SMIM41: variants seen among roughly 807,000 people sequenced by gnomAD.
SMIM41 encodes small integral membrane protein 41.
chr12:52,102,699 A>G (rs1337188068), intron 2 of SMIM41, among the ~76,000 whole-genome samples: 1 of 152,242 alleles, frequency 6.6e-6, no homozygotes, highest in Non-Finnish European at 1.5e-5. Flanking sequence ...TAGGATGGAT[A>G]TGATAAACAA....
intron 2 of SMIM41, among the ~76,000 whole-genome samples, chr12:52,091,092 G>A (rs1214504778): frequency 2.0e-5 from 3 of 152,142 alleles, no homozygotes; most frequent in Non-Finnish European, 4.4e-5. Context: ...GCTCATTCTA[G>A]TCTCAAACTC....
chr12:52,099,936 C>T (rs1370201015), intron 2 of SMIM41, among the ~76,000 whole-genome samples: 2 of 151,674 alleles, frequency 1.3e-5, no homozygotes, highest in African/African-American at 4.8e-5. Flanking sequence ...ATCCTCTCCA[C>T]CCAGGAAATT....
chr12:52,100,407 C>T (rs1940194428), intron 2 of SMIM41, among the ~76,000 whole-genome samples: 1 of 151,488 alleles, frequency 6.6e-6, no homozygotes, highest in Admixed American at 6.6e-5. Flanking sequence ...TATTAGAAAA[C>T]AATATCATCG....
chr12:52,102,436 A>G, intron 2 of SMIM41, among the ~76,000 whole-genome samples: 1 of 152,256 alleles, frequency 6.6e-6, no homozygotes, highest in East Asian at 1.9e-4. Flanking sequence ...GAACTGAGTG[A>G]AAAGATAACC....
At position 52,081,262 on chromosome 12, in the gene SMIM41, C is replaced by G. The variant is rs1323364842; in HGVS notation, c.*120+1081C>G. On this transcript the variant is annotated intron_variant, in intron 1 of 2. Coordinates refer to ENST00000546390, the MANE Select transcript of SMIM41 (RefSeq NM_001369216.1). The surrounding 1 kb of genome is among the most constrained non-coding windows in gnomAD (Gnocchi z 4.1). Reference sequence around the variant, plus strand: ...GGGTGACTTTGGCCTCTCTTGCCCCCCCTCCCCCGATTCTGGAGCCCCTCC... The same window carrying G: ...GGGTGACTTTGGCCTCTCTTGCCCCGCCTCCCCCGATTCTGGAGCCCCTCC... Among the ~76,000 whole-genome samples the G allele has an allele frequency of 6.6e-6, 1 of 152,080 alleles. No homozygotes were observed. Among genetic ancestry groups the G allele is most frequent in the Non-Finnish European group, 1.5e-5 (1 of 67,972 alleles).
At chr12:52,088,813 C>T (rs1390313120) in intron 2 of SMIM41, among the ~76,000 whole-genome samples, 2 of 152,150 alleles carry the variant, frequency 1.3e-5, no homozygotes, top group Non-Finnish European at 2.9e-5. Context: ...CATAGGATGG[C>T]ATCTTCCTGT....
intron 2 of SMIM41, among the ~76,000 whole-genome samples, chr12:52,096,942 A>G (rs1940108291): frequency 6.6e-6 from 1 of 152,048 alleles, no homozygotes; most frequent in African/African-American, 2.4e-5. Flanking sequence ...TCTTATTGCT[A>G]ATATCCAGGC....
At chr12:52,093,856 C>T (rs1189332450) in intron 2 of SMIM41, among the ~76,000 whole-genome samples, 8 of 152,022 alleles carry the variant, frequency 5.3e-5, no homozygotes, top group Non-Finnish European at 1.0e-4. Context: ...CCGGGTGGGG[C>T]GCGGTGGCTC....
intron 2 of SMIM41, among the ~76,000 whole-genome samples, chr12:52,103,775 T>C (rs748387592): frequency 5.3e-5 from 8 of 151,922 alleles, no homozygotes; most frequent in Admixed American, 1.3e-4. Context: ...AATAAATAAA[T>C]AAACACGGTA....
intron 2 of SMIM41, among the ~76,000 whole-genome samples, chr12:52,105,295 TGCATCTCTC>T (rs1304568542): frequency 6.8e-6 from 1 of 147,986 alleles, no homozygotes; most frequent in Non-Finnish European, 1.5e-5. Context: ...TCATTCGGGA[TGCATCTCTC>T]CCTTGCCCCT....
At chr12:52,082,626 G>C (rs1939834982) in intron 1 of SMIM41, among the ~76,000 whole-genome samples, 1 of 151,992 alleles carries the variant, frequency 6.6e-6, no homozygotes, top group South Asian at 2.1e-4. Flanking sequence ...AGGTCTGAGT[G>C]CCAGGGAGAG....
intron 2 of SMIM41, among the ~76,000 whole-genome samples, chr12:52,097,046 T>C (rs1230333250): frequency 2.0e-5 from 3 of 152,008 alleles, no homozygotes; most frequent in Non-Finnish European, 4.4e-5. Flanking sequence ...GGAAGATATA[T>C]CTCCCAATTT....
chr12:52,089,171 A>G (rs1939942056), intron 2 of SMIM41, among the ~76,000 whole-genome samples: 1 of 152,090 alleles, frequency 6.6e-6, no homozygotes, highest in Admixed American at 6.5e-5. Context: ...CAGATGGTGT[A>G]TTAGCTCCTG....
chr12:52,088,027 G>A (rs976497576), intron 2 of SMIM41, among the ~76,000 whole-genome samples: 4 of 152,156 alleles, frequency 2.6e-5, no homozygotes, highest in Admixed American at 6.5e-5. Flanking sequence ...CTTGGCCCCT[G>A]AATGCCATGT....
At chr12:52,085,720 G>A (rs890651780) in intron 2 of SMIM41, among the ~76,000 whole-genome samples, 5 of 152,100 alleles carry the variant, frequency 3.3e-5, no homozygotes, top group Admixed American at 3.3e-4. Flanking sequence ...CTAGATTTTG[G>A]TAACATGCTG....
At chr12:52,104,936 C>T (rs1219749731) in intron 2 of SMIM41, among the ~76,000 whole-genome samples, 5 of 152,200 alleles carry the variant, frequency 3.3e-5, no homozygotes, top group Admixed American at 2.0e-4. Flanking sequence ...ATTTCCTCTG[C>T]GTAGTCTCCC....
rs1939794012 is a variant in SMIM41 at position 52,079,988 on chromosome 12, C to G, written c.209C>G (p.Thr70Ser). Residue 70 changes from threonine to serine, a missense_variant, in exon 1 of 3, where the codon ACC becomes AGC. Coordinates refer to ENST00000546390, the MANE Select transcript of SMIM41 (RefSeq NM_001369216.1). ...LRAQGLTALL[T>S]REQRASREPE... is the part of the protein sequence containing the mutation. The stretch of plus-strand genomic sequence containing the variant: ...GCCCAGGGCCTGACAGCGCTGCTGA[C>G]CCGCGAGCAGCGCGCGTCCCGCGAG... 5.3e-6 allele frequency: 2 copies of G among 380,014 alleles called. No individual in the cohort carries two copies. The highest frequency in any genetic ancestry group is 9.3e-6 in the Non-Finnish European group (2 of 214,098). The allele number at this position is 380,014 out of a possible 1,614,324, so 23.5% of individuals were successfully genotyped here. A position where few individuals can be genotyped will look rare whatever the true frequency, so the allele number is the denominator to read the frequency against.
At chr12:52,095,878 T>G (rs1940084159) in intron 2 of SMIM41, among the ~76,000 whole-genome samples, 1 of 151,846 alleles carries the variant, frequency 6.6e-6, no homozygotes, top group Non-Finnish European at 1.5e-5. Flanking sequence ...CATCTTCTCT[T>G]CTTCTGGATA....
At chr12:52,105,579 C>T (rs1406146767) in intron 2 of SMIM41, among the ~76,000 whole-genome samples, 3 of 152,066 alleles carry the variant, frequency 2.0e-5, no homozygotes, top group Non-Finnish European at 2.9e-5. Flanking sequence ...GGTGAAACCC[C>T]GTCTCTACTA....
Sources: allele counts gnomAD v4.1 joint callset (sites outside exome capture counted in the v4.1 genomes callset), GRCh38; gene constraint gnomAD v4.1.1; non-coding constraint Gnocchi (gnomAD v3.1); transcripts MANE v1.5; gene names NCBI Gene and HGNC (gene_info 2026-07-23, HGNC 2026-07-21).